The following STK3 variants were observed in gnomAD, a reference collection of about 807,000 sequenced individuals.
The protein encoded by STK3 is serine/threonine kinase 3, also known as serine/threonine-protein kinase 3.
STK3 carries 41 observed loss-of-function variants against 58.0 expected under a neutral mutation model. The ratio of observed to expected loss-of-function variants is 0.71; its 90% CI spans 0.55 to 0.92. The LOEUF is 0.92. Among genes scored for constraint, STK3 ranks in the 40% least tolerant of loss-of-function variants. STK3 has a pLI of 0.00. For missense variants in STK3, 479 were observed against 602.7 expected (o/e 0.79, Z 2.15); for synonymous variants, 170 against 191.0 (o/e 0.89, Z 0.91).
chr8:98,791,365 G>A (rs952891675), intron 1 of STK3, among the ~76,000 whole-genome samples: 1 of 152,156 alleles, frequency 6.6e-6, no homozygotes, highest in South Asian at 2.1e-4. Context: ...TTGATGGGTA[G>A]AATCAATATT....
At chr8:98,645,803 TATAGATATAGATACAGATATAG>T (rs1485203138) in intron 6 of STK3, among the ~76,000 whole-genome samples, 3 of 152,018 alleles carry the variant, frequency 2.0e-5, no homozygotes, top group South Asian at 4.1e-4. Flanking sequence ...TATATACATA[TATAGATATAGATACAGATATAG>T]ATAGATATAG....
intron 4 of STK3, among the ~76,000 whole-genome samples, chr8:98,743,091 A>G (rs1205941711): frequency 6.6e-6 from 1 of 152,146 alleles, no homozygotes; most frequent in African/African-American, 2.4e-5. Context: ...GGATACAAAG[A>G]AATGGAAGAA....
intron 3 of STK3, among the ~76,000 whole-genome samples, chr8:98,849,225 C>CAAA (rs1013187542): frequency 1.9e-5 from 1 of 52,124 alleles, no homozygotes; most frequent in Non-Finnish European, 4.2e-5. Context: ...GACTCCATCT[C>CAAA]AAAAAAAAAA....
At chr8:98,854,433 C>T (rs997793966) in intron 3 of STK3, among the ~76,000 whole-genome samples, 2 of 151,922 alleles carry the variant, frequency 1.3e-5, no homozygotes, top group African/African-American at 2.4e-5. Context: ...GCCACCATGC[C>T]GGGCCTAAAA....
chr8:98,422,084 G>A (rs367679518), intron 3 of STK3, among the ~76,000 whole-genome samples: 1 of 152,160 alleles, frequency 6.6e-6, no homozygotes, highest in Non-Finnish European at 1.5e-5. Flanking sequence ...AGCACACAGG[G>A]ATGGAAGGGC....
chr8:98,348,621 A>C, the STK3 span, among the ~76,000 whole-genome samples: 1 of 152,258 alleles, frequency 6.6e-6, no homozygotes, highest in African/African-American at 2.4e-5. Context: ...CTGAACAAGC[A>C]TCTCAACAAA....
chr8:98,858,501 A>T (rs1836799528), intron 3 of STK3, among the ~76,000 whole-genome samples: 1 of 150,212 alleles, frequency 6.7e-6, no homozygotes, highest in African/African-American at 2.4e-5. Flanking sequence ...TTGTACCTGT[A>T]TCTTATGTTT....
intron 3 of STK3, among the ~76,000 whole-genome samples, chr8:98,418,253 C>G (rs1038681403): frequency 3.3e-5 from 5 of 152,208 alleles, no homozygotes; most frequent in Non-Finnish European, 7.3e-5. Flanking sequence ...CTTTGATGGA[C>G]CAATCTGCAG....
At chr8:98,416,893 C>T (rs1818120269) in intron 3 of STK3, among the ~76,000 whole-genome samples, 1 of 152,202 alleles carries the variant, frequency 6.6e-6, no homozygotes, top group African/African-American at 2.4e-5. Context: ...TTCCCACCCT[C>T]CCGAAGGTCT....
chr8:98,884,371 C>T (rs1185107862), intron 1 of STK3, among the ~76,000 whole-genome samples: 1 of 151,958 alleles, frequency 6.6e-6, no homozygotes, highest in Non-Finnish European at 1.5e-5. Flanking sequence ...TAAAAAATCC[C>T]CATTTGGAGG....
chr8:98,886,778 C>A (rs1838006744), intron 1 of STK3, among the ~76,000 whole-genome samples: 1 of 152,068 alleles, frequency 6.6e-6, no homozygotes, highest in Admixed American at 6.5e-5. Context: ...TGCATATAAC[C>A]TACACACATC....
chr8:98,397,440 G>A (rs1384137116), downstream of STK3, among the ~76,000 whole-genome samples: 2 of 152,162 alleles, frequency 1.3e-5, no homozygotes, highest in East Asian at 1.9e-4. Context: ...AAAGGCTGAG[G>A]TGGGAGGATC....
intron 3 of STK3, among the ~76,000 whole-genome samples, chr8:98,417,382 C>T (rs753722172): frequency 8.2e-4 from 125 of 152,034 alleles, no homozygotes; most frequent in Non-Finnish European, 1.5e-3. Flanking sequence ...GGAGTGTTGG[C>T]GCCCACCTGT....
chr8:98,588,235 G>A (rs377747762), intron 7 of STK3, among the ~76,000 whole-genome samples: 91 of 152,134 alleles, frequency 6.0e-4, no homozygotes, highest in Non-Finnish European at 6.9e-4. Flanking sequence ...AGCGGCTGGT[G>A]CCGGTTGTTC....
At chr8:98,439,652 C>T (rs897977463) in intron 1 of STK3, among the ~76,000 whole-genome samples, 5 of 152,184 alleles carry the variant, frequency 3.3e-5, no homozygotes, top group East Asian at 1.9e-4. Context: ...TCAACACATG[C>T]GCACACAGTT....
chr8:98,471,267 T>C (rs1820894421), intron 10 of STK3, among the ~76,000 whole-genome samples: 1 of 151,954 alleles, frequency 6.6e-6, no homozygotes, highest in African/African-American at 2.4e-5. Context: ...GAGGGCTAAG[T>C]CGCTGGCTAT....
chr8:98,652,005 AG>A (rs1341574406), intron 6 of STK3, among the ~76,000 whole-genome samples: 1 of 152,104 alleles, frequency 6.6e-6, no homozygotes, highest in East Asian at 1.9e-4. Flanking sequence ...CTCCTCGAGA[AG>A]AGCAACTCCA....
intron 6 of STK3, among the ~76,000 whole-genome samples, chr8:98,700,091 C>T (rs939309421): frequency 6.6e-6 from 1 of 152,194 alleles, no homozygotes; most frequent in Non-Finnish European, 1.5e-5. Flanking sequence ...CCCCCAGCCT[C>T]GCTGCCGCCT....
intron 9 of STK3, among the ~76,000 whole-genome samples, chr8:98,530,120 T>G (rs1196666684): frequency 2.0e-5 from 3 of 152,358 alleles, no homozygotes; most frequent in South Asian, 2.1e-4. Context: ...ACATAAAAGT[T>G]ATGTTTGTTT....
Sources: allele counts gnomAD v4.1 joint callset (sites outside exome capture counted in the v4.1 genomes callset), GRCh38; gene constraint gnomAD v4.1.1; transcripts MANE v1.5; gene names NCBI Gene and HGNC (gene_info 2026-07-23, HGNC 2026-07-21).